SMAD2: variants seen among roughly 807,000 people sequenced by gnomAD.
SMAD2 encodes the protein MAD homolog 2.
In SMAD2, 8 loss-of-function variants were observed where a neutral mutation model predicts 64.4. The observed-to-expected ratio is 0.12, with a 90% confidence interval of 0.07 to 0.22. The LOEUF (loss-of-function observed/expected upper bound fraction) is 0.22. Among genes scored for constraint, SMAD2 ranks in the 10% least tolerant of loss-of-function variants. The pLI is 1.00. For synonymous variants in SMAD2, 203 were observed against 195.8 expected (o/e 1.04, Z -0.31); for missense variants, 289 against 561.2 (o/e 0.51, Z 4.90).
At chr18:47,880,474 C>G (rs1598824427) in intron 2 of SMAD2, among the ~76,000 whole-genome samples, 1 of 152,248 alleles carries the variant, frequency 6.6e-6, no homozygotes, top group African/African-American at 2.4e-5. Context: ...GCTATCTTAT[C>G]TGTTTTTATG....
At chr18:47,860,050 T>G (rs2031046338) in intron 6 of SMAD2, among the ~76,000 whole-genome samples, 1 of 152,022 alleles carries the variant, frequency 6.6e-6, no homozygotes, top group Admixed American at 6.6e-5. Flanking sequence ...TGGGGAAGAT[T>G]GCCTGAGCCT....
At chr18:47,919,110 A>G (rs1286701164) in intron 1 of SMAD2, among the ~76,000 whole-genome samples, 1 of 152,180 alleles carries the variant, frequency 6.6e-6, no homozygotes, top group Non-Finnish European at 1.5e-5. Flanking sequence ...GGTTATATAG[A>G]AAACAATCAA....
rs1913812672 is a variant in SMAD2 at position 47,840,225 on chromosome 18, T to C, written c.*1602A>G. 4.3e-6 allele frequency: 1 copy of C among 233,016 alleles called. No individual in the cohort carries two copies. The highest frequency in any genetic ancestry group is 8.5e-6 in the Non-Finnish European group (1 of 117,918). The allele number at this position is 233,016 out of a possible 1,614,324, so 14.4% of individuals were successfully genotyped here. On this transcript the variant is annotated 3_prime_UTR_variant, in exon 11 of 11. Transcript: ENST00000262160. ...TGATACCTATAGAGACAGGTGGATA[T>C]GATTTCAAAGAACAAGTACCAAAGA... is the stretch of plus-strand genomic sequence containing the variant.
At chr18:47,887,867 T>C (rs1259988412) in intron 2 of SMAD2, among the ~76,000 whole-genome samples, 2 of 152,200 alleles carry the variant, frequency 1.3e-5, no homozygotes, top group South Asian at 2.1e-4. Context: ...GAGAAATACC[T>C]TAACATATAC....
chr18:47,906,688 T>C (rs1021663328), intron 1 of SMAD2, among the ~76,000 whole-genome samples: 1 of 152,218 alleles, frequency 6.6e-6, no homozygotes, highest in Non-Finnish European at 1.5e-5. Context: ...TTGGCAGGAC[T>C]GATTCCTCCT....
At chr18:47,915,270 T>TG (rs1307877037) in intron 1 of SMAD2, among the ~76,000 whole-genome samples, 2 of 152,226 alleles carry the variant, frequency 1.3e-5, no homozygotes, top group Non-Finnish European at 2.9e-5. Flanking sequence ...TTAACAGTTT[T>TG]GCTACATATT....
chr18:47,915,009 A>G (rs1212059494), intron 1 of SMAD2, among the ~76,000 whole-genome samples: 2 of 152,204 alleles, frequency 1.3e-5, no homozygotes, highest in African/African-American at 4.8e-5. Context: ...ACATCTTGTC[A>G]AATTTACTTA....
At chr18:47,874,070 A>G (rs980287714) in intron 2 of SMAD2, among the ~76,000 whole-genome samples, 3 of 152,226 alleles carry the variant, frequency 2.0e-5, no homozygotes, top group Admixed American at 1.3e-4. Flanking sequence ...GATACAGCAT[A>G]TTCACAGATG....
chr18:47,870,910 T>C (rs191054164), intron 2 of SMAD2, among the ~76,000 whole-genome samples: 4 of 152,342 alleles, frequency 2.6e-5, no homozygotes, highest in Non-Finnish European at 1.5e-5. Context: ...CTTCATTTTA[T>C]AATCCAGTTT....
chr18:47,906,164 C>A (rs536110602), intron 1 of SMAD2, among the ~76,000 whole-genome samples: 23 of 151,768 alleles, frequency 1.5e-4, no homozygotes, highest in African/African-American at 5.6e-4. Flanking sequence ...ACAGGCTGAG[C>A]ATCACAAATC....
At chr18:47,851,124 A>G in intron 7 of SMAD2, 150 bp downstream of exon 7, 1 of 551,858 alleles carries the variant, frequency 1.8e-6, no homozygotes, top group Non-Finnish European at 3.3e-6. Flanking sequence ...TTCTTTTTAA[A>G]AAGCACTACT....
chr18:47,821,467 G>A lies in SMAD2; in HGVS notation c.*20360C>T, dbSNP rs146805365. ...TCTTGGCTCTTCTCATGTTTGAATT[G>A]TTCCACGCAAGCAGGAAATTTCTCG... On this transcript the variant is annotated 3_prime_UTR_variant, in exon 11 of 11. Coordinates refer to ENST00000262160, the MANE Select transcript of SMAD2 (RefSeq NM_005901.6). 6.3e-4 allele frequency: 96 copies of A among 152,238 alleles called. No homozygotes were observed. Among genetic ancestry groups the A allele is most frequent in the African/African-American group, 2.3e-3 (94 of 41,554 alleles). The allele number at this position is 152,238 out of a possible 1,614,324, so 9.4% of individuals were successfully genotyped here.
At chr18:47,912,634 T>C (rs1007993545) in intron 1 of SMAD2, 2 of 152,228 alleles carry the variant, frequency 1.3e-5, no homozygotes, top group Non-Finnish European at 2.9e-5. Context: ...CTAGGCTTGG[T>C]TTCTGAGGAC....
chr18:47,907,639 A>G (rs988243394), intron 1 of SMAD2, among the ~76,000 whole-genome samples: 3 of 152,010 alleles, frequency 2.0e-5, no homozygotes, highest in Non-Finnish European at 4.4e-5. Context: ...GTAATCACAC[A>G]TGAGTACAAG....
In SMAD2 at chr18:47,865,081, C is replaced by A. The variant is rs139059864; in HGVS notation, c.708G>T (p.Gln236His). ...TACCTGTGTCCATACTTTGATTCAA[C>A]TGTTGGTCACTTGTTTCTCCATCTT... ...ISEDGETSDQ[Q>H]LNQSMDTGSP... Residue 236 changes from glutamine (Q) to histidine (H), a missense_variant, in exon 6 of 11, where the codon CAG (glutamine) becomes CAT (histidine). By Grantham distance (24) the Gln-to-His change is conservative. Transcript: ENST00000262160. 11 of 1,608,536 alleles carry A rather than the reference C, an allele frequency of 6.8e-6. No individual in the cohort carries two copies. The highest frequency in any genetic ancestry group is 1.7e-4 in the Middle Eastern group (1 of 5,998).
intron 1 of SMAD2, among the ~76,000 whole-genome samples, chr18:47,903,800 C>G (rs2033784844): frequency 7.4e-6 from 1 of 135,344 alleles, no homozygotes; most frequent in South Asian, 2.3e-4. Flanking sequence ...ATGGGCTTAA[C>G]AGAAATGAGC....
chr18:47,831,981 T>G lies in SMAD2; in HGVS notation c.*9846A>C, dbSNP rs760660402. 1 of 152,182 alleles carries G rather than the reference T, an allele frequency of 6.6e-6. No homozygotes were observed. The highest frequency in any genetic ancestry group is 2.1e-4 in the South Asian group (1 of 4,832). 9.4% of individuals were successfully genotyped at this position (152,182 alleles called of 1,614,324 possible). A position where few individuals can be genotyped will look rare whatever the true frequency, so the allele number is the denominator to read the frequency against. On this transcript the variant is annotated 3_prime_UTR_variant, in exon 11 of 11. Transcript: ENST00000262160. The stretch of plus-strand genomic sequence containing the variant: ...GCTGGATAACTGTATGTTGCAAACA[T>G]GTTCCTGAACATTCTTCACCCAAAC...
chr18:47,881,792 T>C (rs774781470), intron 2 of SMAD2, among the ~76,000 whole-genome samples: 1 of 152,204 alleles, frequency 6.6e-6, no homozygotes, highest in Non-Finnish European at 1.5e-5. Flanking sequence ...GAATGGATGA[T>C]GAATTTTGTC....
At chr18:47,850,033 T>G (rs963908636) in intron 7 of SMAD2, among the ~76,000 whole-genome samples, 3 of 149,008 alleles carry the variant, frequency 2.0e-5, no homozygotes, top group Non-Finnish European at 4.4e-5. Context: ...TAAATACAAT[T>G]TGTATTAGTT....
Sources: gnomAD v4.1 joint callset for allele counts (sites outside exome capture counted in the v4.1 genomes callset) on GRCh38, gnomAD v4.1.1 for gene constraint, MANE v1.5 for transcripts, NCBI Gene and HGNC (gene_info 2026-07-23, HGNC 2026-07-21) for gene names.